The following ATP10A variants were observed in gnomAD, a reference collection of about 807,000 sequenced individuals.
ATP10A encodes the protein phospholipid-transporting ATPase VA.
ATP10A carries 111 observed loss-of-function variants against 147.8 expected under a neutral mutation model. The observed-to-expected ratio is 0.75, with a 90% confidence interval of 0.64 to 0.88. The LOEUF is 0.88. Ranked by LOEUF, ATP10A falls within the 40% of genes least tolerant of loss-of-function variation. ATP10A has a pLI of 0.00. For missense variants in ATP10A, 1,927 were observed against 1,959.0 expected (o/e 0.98, Z 0.31); for synonymous variants, 875 against 841.6 (o/e 1.04, Z -0.69).
rs1342104339 is a variant in ATP10A at position 25,863,055 on chromosome 15, C to T, written c.42G>A (p.Pro14=). 3.2e-6 allele frequency: 4 copies of T among 1,251,856 alleles called. No individual in the cohort carries two copies. Among genetic ancestry groups the T allele is most frequent in the Non-Finnish European group, 4.0e-6 (4 of 1,001,640 alleles). 77.5% of individuals were successfully genotyped at this position (1,251,856 alleles called of 1,614,324 possible). ...TGCCCTCTCGGCGCCTCCGCCGTCC[C>T]GGAGGCCCGGGCTCCTCGGTCCCCG... ...EPAGTEEPGP[P]GRRRRREGRT... The change falls in exon 1 of 21, where the codon CCG becomes CCA. Residue 14 remains proline, a synonymous_variant. Coordinates refer to ENST00000555815, the MANE Select transcript of ATP10A (RefSeq NM_024490.4).
intron 5 of ATP10A, 93 bp downstream of exon 5, chr15:25,725,858 T>A: frequency 7.1e-7 from 1 of 1,408,910 alleles, no homozygotes; most frequent in East Asian, 2.4e-5. Context: ...CCTCAAGTGA[T>A]CTGCCCGCCT....
intron 7 of ATP10A, 85 bp from the exon 8 acceptor site, chr15:25,718,484 G>A (rs1038075320): frequency 2.0e-5 from 28 of 1,412,196 alleles, no homozygotes; most frequent in South Asian, 2.6e-5. Context: ...TTTAGGTTCC[G>A]CGAGGCTTCC....
At chr15:25,707,039 T>C (rs1480419394) in intron 12 of ATP10A, among the ~76,000 whole-genome samples, 2 of 152,250 alleles carry the variant, frequency 1.3e-5, no homozygotes, top group Non-Finnish European at 2.9e-5. Flanking sequence ...ATGGTGCCAC[T>C]GGGCCCCTGG....
intron 12 of ATP10A, among the ~76,000 whole-genome samples, chr15:25,705,860 G>A (rs1900975075): frequency 6.6e-6 from 1 of 152,372 alleles, no homozygotes; most frequent in African/African-American, 2.4e-5. Flanking sequence ...AGCTCTGCCA[G>A]GAGGCGTGAG....
In ATP10A at chr15:25,863,149, G is replaced by T; in HGVS notation, c.-53C>A. 2.8e-6 allele frequency: 3 copies of T among 1,090,274 alleles called. No individual in the cohort carries two copies. The African/African-American group carries it at 5.0e-5, about 18-fold the overall frequency. The allele number at this position is 1,090,274 out of a possible 1,614,324, so 67.5% of individuals were successfully genotyped here. A position where few individuals can be genotyped will look rare whatever the true frequency, so the allele number is the denominator to read the frequency against. On this transcript the variant is annotated 5_prime_UTR_variant, in exon 1 of 21. Coordinates refer to ENST00000555815, the MANE Select transcript of ATP10A (RefSeq NM_024490.4). ...CCGCCGCTCACGCCCGCCCGCGCCG[G>T]CCTCTTAGGTTATCATCACTCGCGG... is the stretch of plus-strand genomic sequence containing the variant.
At chr15:25,821,399 CA>C (rs199762961) in intron 1 of ATP10A, among the ~76,000 whole-genome samples, 16 of 119,720 alleles carry the variant, frequency 1.3e-4, no homozygotes, top group East Asian at 8.7e-4. Flanking sequence ...TCAAAAAAAA[CA>C]AAAAAAAAAA....
intron 2 of ATP10A, among the ~76,000 whole-genome samples, chr15:25,744,936 C>T (rs1000304369): frequency 2.0e-5 from 3 of 152,056 alleles, no homozygotes; most frequent in African/African-American, 4.8e-5. Context: ...AGCAACAAAC[C>T]GCAGATGCAA....
At chr15:25,727,390 TG>T (rs2140449368) in intron 3 of ATP10A, 124 bp from the exon 4 acceptor site, 1 of 887,444 alleles carries the variant, frequency 1.1e-6, no homozygotes, top group Non-Finnish European at 1.8e-6. Flanking sequence ...GGATCTGGAC[TG>T]GGAAGGGTAC....
intron 2 of ATP10A, among the ~76,000 whole-genome samples, chr15:25,765,800 G>A (rs1043978783): frequency 6.6e-6 from 1 of 152,152 alleles, no homozygotes; most frequent in Non-Finnish European, 1.5e-5. Flanking sequence ...TCCTGGTGCC[G>A]GTCTCACCTT....
intron 2 of ATP10A, among the ~76,000 whole-genome samples, chr15:25,756,652 A>AAAAG (rs201457361): frequency 0.015 from 2,219 of 149,930 alleles, 27 homozygotes; most frequent in Middle Eastern, 0.028. Flanking sequence ...CAAATAAAAA[A>AAAAG]AAAGAAAGAA....
chr15:25,695,920 C>G (rs1344128015), intron 13 of ATP10A, among the ~76,000 whole-genome samples: 3 of 151,690 alleles, frequency 2.0e-5, no homozygotes, highest in African/African-American at 7.3e-5. Context: ...TTCTCCAATT[C>G]TGCCAGGAAA....
At chr15:25,791,472 G>C (rs1386395755) in intron 1 of ATP10A, among the ~76,000 whole-genome samples, 2 of 151,966 alleles carry the variant, frequency 1.3e-5, no homozygotes, top group African/African-American at 4.8e-5. Context: ...CTGCAGCCTC[G>C]ACCTCCTGGG....
intron 4 of ATP10A, 131 bp from the exon 5 acceptor site, chr15:25,726,213 G>A: frequency 9.7e-7 from 1 of 1,034,002 alleles, no homozygotes; most frequent in Non-Finnish European, 1.4e-6. Context: ...CAAAAAAGCA[G>A]GGTTTAAAAT....
upstream of ATP10A, chr15:25,863,332 G>T: frequency 6.0e-6 from 1 of 165,774 alleles, no homozygotes; most frequent in South Asian, 2.0e-4. Context: ...CAAGCTGGGC[G>T]GGTGCCGCAC....
intron 1 of ATP10A, among the ~76,000 whole-genome samples, chr15:25,811,918 G>A (rs966309089): frequency 6.6e-6 from 1 of 152,202 alleles, no homozygotes; most frequent in Non-Finnish European, 1.5e-5. Flanking sequence ...CGATGCCAGA[G>A]GAAACCGAGG....
intron 1 of ATP10A, among the ~76,000 whole-genome samples, chr15:25,793,155 G>A (rs1890511499): frequency 6.6e-6 from 1 of 152,134 alleles, no homozygotes; most frequent in African/African-American, 2.4e-5. Flanking sequence ...ACAGGCATGA[G>A]CCACTGCACC....
chr15:25,713,516 A>C (rs1269922227), intron 10 of ATP10A, among the ~76,000 whole-genome samples, 158 bp downstream of exon 10: 1 of 152,228 alleles, frequency 6.6e-6, no homozygotes, highest in Non-Finnish European at 1.5e-5. Context: ...TCAAACAGGC[A>C]AACACTGATC....
intron 1 of ATP10A, among the ~76,000 whole-genome samples, chr15:25,793,653 G>A (rs566695684): frequency 6.6e-6 from 1 of 152,352 alleles, no homozygotes; most frequent in South Asian, 2.1e-4. Context: ...GGTTAGCATA[G>A]CATGCTTGGG....
At chr15:25,735,971 A>G (rs2140487874) in intron 3 of ATP10A, 85 bp downstream of exon 3, 2 of 1,201,368 alleles carry the variant, frequency 1.7e-6, no homozygotes, top group East Asian at 2.4e-5. Flanking sequence ...TATTAAATGC[A>G]TACTTTATAA....
Sources: allele counts gnomAD v4.1 joint callset (sites outside exome capture counted in the v4.1 genomes callset), GRCh38; gene constraint gnomAD v4.1.1; transcripts MANE v1.5; gene names NCBI Gene and HGNC (gene_info 2026-07-23, HGNC 2026-07-21).